Variants in TAF1C observed in about 807,000 individuals in gnomAD.
TAF1C encodes the protein TATA-box binding protein associated factor, RNA polymerase I subunit C.
TAF1C carries 79 observed loss-of-function variants against 70.5 expected under a neutral mutation model. The ratio of observed to expected loss-of-function variants is 1.12; its 90% CI spans 0.93 to 1.35. TAF1C has a LOEUF of 1.35. Among genes scored for constraint, TAF1C ranks in the 40% most tolerant of loss-of-function variants. TAF1C has a pLI of 0.00. For missense variants in TAF1C, 1,412 were observed against 1,127.8 expected (o/e 1.25, Z -3.61); for synonymous variants, 614 against 491.1 (o/e 1.25, Z -3.31).
rs369858752 is a variant in TAF1C at position 84,181,321 on chromosome 16, C to A, written c.1164+7G>T. The A allele has an allele frequency of 4.2e-5, 68 of 1,612,752 alleles. No homozygotes were observed. Among genetic ancestry groups the A allele is most frequent in the Non-Finnish European group, 3.4e-5 (40 of 1,179,428 alleles). On this transcript the variant is annotated splice_region_variant and intron_variant, in intron 11 of 14. Transcript: ENST00000566732. ...GTCGGGGTGGGTCCTCTGCCGCCAG[C>A]CCGTACCTGAGTGTCCAGCATCTTC...
chr16:84,186,548 A>G (rs1289220779), intron 1 of TAF1C, among the ~76,000 whole-genome samples: 1 of 152,184 alleles, frequency 6.6e-6, no homozygotes, highest in Admixed American at 6.5e-5. Context: ...GCAAGGTTCT[A>G]TCTCAAAAAT....
In TAF1C at chr16:84,183,507, T is replaced by G. The variant is rs2089319811; in HGVS notation, c.221A>C (p.Asp74Ala). ...GPLPMLPPLIDPWDPGLTARD... is the reference protein window; with the variant it reads ...GPLPMLPPLIAPWDPGLTARD... ...GGCAGTCAGGCCAGGGTCCCAGGGA[T>G]CTGAGAAGGAGGTTACGGAAAGGGC... The change falls in exon 4 of 15, where the codon GAT (aspartate) becomes GCT (alanine). Residue 74 changes from aspartate to alanine, a missense_variant and splice_region_variant. By Grantham distance (126) the Asp-to-Ala change is moderately radical. Coordinates refer to ENST00000566732, the MANE Select transcript of TAF1C (RefSeq NM_001243156.2). 1 of 1,608,692 alleles carries G rather than the reference T, an allele frequency of 6.2e-7. No individual in the cohort carries two copies. The highest frequency in any genetic ancestry group is 1.3e-5 in the African/African-American group (1 of 74,812).
At chr16:84,184,814 C>T (rs1193039900) in intron 2 of TAF1C, 37 bp downstream of exon 2, 1 of 1,567,036 alleles carries the variant, frequency 6.4e-7, no homozygotes, top group African/African-American at 1.4e-5. Flanking sequence ...GAAGGGATGT[C>T]CCTGGAGCTG....
intron 2 of TAF1C, among the ~76,000 whole-genome samples, chr16:84,184,020 C>T (rs1168786964): frequency 6.6e-6 from 1 of 152,220 alleles, no homozygotes. Flanking sequence ...CCCCAGAGCT[C>T]CTGTTTCCGA....
Position 84,179,034 on chromosome 16 carries a change from C to T in TAF1C, c.2439G>A (p.Gln813=). 1 of 1,610,920 alleles carries T rather than the reference C, an allele frequency of 6.2e-7. No homozygotes were observed. The highest frequency in any genetic ancestry group is 8.5e-7 in the Non-Finnish European group (1 of 1,179,928). The change falls in exon 15 of 15, where the codon CAG becomes CAA. Residue 813 remains glutamine (Q), a synonymous_variant. Transcript: ENST00000566732. ...PGCATTPPHS[Q]ASSVRATRSQ... Reference sequence around the variant, plus strand: ...AGCGAGTGGCCCGGACGCTGGAGGCCTGGGAGTGGGGAGGTGTGGTGGCAC... The same window carrying T: ...AGCGAGTGGCCCGGACGCTGGAGGCTTGGGAGTGGGGAGGTGTGGTGGCAC...
Position 84,180,717 on chromosome 16 carries a change from C to G in TAF1C, c.1308+326G>C. The G allele has an allele frequency of 2.8e-6, 3 of 1,064,474 alleles. No homozygotes were observed. The South Asian group carries it at 6.7e-5, about 24-fold the overall frequency. 65.9% of individuals were successfully genotyped at this position (1,064,474 alleles called of 1,614,324 possible). ...CCGGGAGGGCGGGTGGAGGACAGAC[C>G]TGCTTCCTCAGAGCCCCCGCCTCCT... On this transcript the variant is annotated intron_variant, in intron 12 of 14. Coordinates refer to ENST00000566732, the MANE Select transcript of TAF1C (RefSeq NM_001243156.2).
Position 84,178,964 on chromosome 16 carries a change from TC to T in TAF1C, c.2508del (p.Lys837ArgfsTer34). 2 of 1,610,010 alleles carry T rather than the reference TC, an allele frequency of 1.2e-6. No homozygotes were observed. Among genetic ancestry groups the T allele is most frequent in the Non-Finnish European group, 1.7e-6 (2 of 1,179,246 alleles). On this transcript the variant is annotated frameshift_variant, in exon 15 of 15. Transcript: ENST00000566732. LOFTEE classifies it high-confidence loss of function. Reference sequence around the variant, plus strand: ...CCTCAGAAGCCCATTCGAGGCTTCTTCCGGAGGGGCTGAGAGCTAGAGAGGA... The same window carrying T: ...CCTCAGAAGCCCATTCGAGGCTTCTTCGGAGGGGCTGAGAGCTAGAGAGGA... Reference protein sequence around the residue: ...TPVLSSSQPLRKKPRMGF With the variant: ...TPVLSSSQPLXKKPRMGF
chr16:84,186,603 A>C (rs1428083570), intron 1 of TAF1C, among the ~76,000 whole-genome samples: 1 of 152,234 alleles, frequency 6.6e-6, no homozygotes, highest in East Asian at 1.9e-4. Flanking sequence ...CATAGCCTGA[A>C]ACGATCCTAG....
In TAF1C at chr16:84,181,836, T is replaced by C. The variant is rs754621546; in HGVS notation, c.866A>G (p.His289Arg). 3 of 1,613,848 alleles carry C rather than the reference T, an allele frequency of 1.9e-6. No individual in the cohort carries two copies. The highest frequency in any genetic ancestry group is 2.2e-5 in the South Asian group (2 of 91,064). Reference protein sequence around the residue: ...ETLLAVRSDYHCAVWKFGKQW... With the variant: ...ETLLAVRSDYRCAVWKFGKQW... ...TTTACCAAACTTCCACACGGCACAG[T>C]GGTAGTCAGAGCGGACGGCCAGCAG... Residue 289 changes from histidine (H) to arginine (R), a missense_variant, in exon 9 of 15, where the codon CAC becomes CGC. His to Arg is a conservative substitution (Grantham distance 29). Coordinates refer to ENST00000566732, the MANE Select transcript of TAF1C (RefSeq NM_001243156.2).
rs750896510 is a variant in TAF1C, at chr16:84,181,025, G to C, written c.1308+18C>G. 5 of 1,592,458 alleles carry C rather than the reference G, an allele frequency of 3.1e-6. No homozygotes were observed. The highest frequency in any genetic ancestry group is 3.4e-6 in the Non-Finnish European group (4 of 1,163,034). On this transcript the variant is annotated intron_variant, in intron 12 of 14. Coordinates refer to ENST00000566732, the MANE Select transcript of TAF1C (RefSeq NM_001243156.2). ...GACAGAGCAGAGGTGGGGCGGGGCG[G>C]TGTTGTGTGCCACTCACCTGGGTAC... is the stretch of plus-strand genomic sequence containing the variant.
At position 84,182,876 on chromosome 16, in the gene TAF1C, G is replaced by A. The variant is rs1239927863; in HGVS notation, c.482+200C>T. Among the ~76,000 whole-genome samples the A allele has an allele frequency of 1.3e-5, 2 of 152,210 alleles. No individual in the cohort carries two copies. Among genetic ancestry groups the A allele is most frequent in the African/African-American group, 4.8e-5 (2 of 41,442 alleles). ...TATTTGAACACCTGGATGCAGCTGT[G>A]CCTGAACTCCACAAATGTAAATCTG... On this transcript the variant is annotated intron_variant, in intron 6 of 14. Coordinates refer to ENST00000566732, the MANE Select transcript of TAF1C (RefSeq NM_001243156.2). This position sits in a 1 kb window ranked among gnomAD's most constrained non-coding sequence, Gnocchi z 5.0.
intron 2 of TAF1C, among the ~76,000 whole-genome samples, chr16:84,184,417 G>C (rs1368176128): frequency 6.6e-6 from 1 of 152,150 alleles, no homozygotes; most frequent in Non-Finnish European, 1.5e-5. Context: ...CCAAGCAAAG[G>C]GCCAGTGTCC....
In TAF1C at chr16:84,183,521, T is replaced by C. The variant is rs1367936298; in HGVS notation, c.221-14A>G. On this transcript the variant is annotated splice_polypyrimidine_tract_variant and intron_variant, in intron 3 of 14. Coordinates refer to ENST00000566732, the MANE Select transcript of TAF1C (RefSeq NM_001243156.2). ...GGTCCCAGGGATCTGAGAAGGAGGT[T>C]ACGGAAAGGGCTGGGGAGGGCACAG... The C allele has an allele frequency of 2.5e-6, 4 of 1,603,624 alleles. No individual in the cohort carries two copies. The highest frequency in any genetic ancestry group is 3.4e-5 in the Admixed American group (2 of 58,664).
chr16:84,179,944 A>T lies in TAF1C; in HGVS notation c.1621+2T>A. ...CCAAGCTCACTCCCCCACCCAGCAC[A>T]CCTATGGTCGGTGCTTTCAGGCGCT... On this transcript the variant is annotated splice_donor_variant, in intron 14 of 14. Transcript: ENST00000566732. LOFTEE classifies it high-confidence loss of function. 6.2e-7 allele frequency: 1 copy of T among 1,611,932 alleles called. No homozygotes were observed. Among genetic ancestry groups the T allele is most frequent in the Non-Finnish European group, 8.5e-7 (1 of 1,179,724 alleles).
rs969301727 is a variant in TAF1C at position 84,179,452 on chromosome 16, A to G, written c.2021T>C (p.Leu674Pro). 21 of 1,597,142 alleles carry G rather than the reference A, an allele frequency of 1.3e-5. No homozygotes were observed. The Middle Eastern group carries it at 9.9e-4, about 75-fold the overall frequency. Residue 674 changes from leucine (L) to proline (P), a missense_variant, in exon 15 of 15, where the codon CTC becomes CCC. Transcript: ENST00000566732. ...QLLLQRDLGS[L>P]PAAEPPPAPE... ...TGCAGGGGGTGGCTCTGCCGCAGGGAGGGAGCCCAGGTCTCTCTGCAGCAG... is the reference window on the plus strand; with the variant it reads ...TGCAGGGGGTGGCTCTGCCGCAGGGGGGGAGCCCAGGTCTCTCTGCAGCAG...
Position 84,181,659 on chromosome 16 carries a change from G to A in TAF1C, c.961C>T (p.His321Tyr). 4 of 1,613,944 alleles carry A rather than the reference G, an allele frequency of 2.5e-6. No homozygotes were observed. Among genetic ancestry groups the A allele is most frequent in the Non-Finnish European group, 3.4e-6 (4 of 1,180,000 alleles). Residue 321 changes from histidine to tyrosine, a missense_variant, in exon 10 of 15, where the codon CAC becomes TAC. Coordinates refer to ENST00000566732, the MANE Select transcript of TAF1C (RefSeq NM_001243156.2). ...CAGATGGCCAGCTCCCCGGGCAGGTGAGGGCTACAGGGCAGGAATGCATTC... is the reference window on the plus strand; with the variant it reads ...CAGATGGCCAGCTCCCCGGGCAGGTAAGGGCTACAGGGCAGGAATGCATTC... ...KGATGISLSPHLPGELAICSR... is the reference protein window; with the variant it reads ...KGATGISLSPYLPGELAICSR...
chr16:84,180,859 C>G, intron 12 of TAF1C, 184 bp downstream of exon 12: 2 of 1,411,050 alleles, frequency 1.4e-6, no homozygotes, highest in Non-Finnish European at 1.8e-6. Flanking sequence ...GGAGAGCTTC[C>G]CCACCTGCCT....
rs1269924302 is a variant in TAF1C at position 84,184,971 on chromosome 16, G to T, written c.18C>A (p.Ser6=). 3 of 1,613,630 alleles carry T rather than the reference G, an allele frequency of 1.9e-6. No individual in the cohort carries two copies. The highest frequency in any genetic ancestry group is 2.5e-6 in the Non-Finnish European group (3 of 1,179,776). ...CGGTCAGAAACAATGCAGGGCGGAG[G>T]GAGCTGGGGAAGTCCATCCTGGAAA... is the stretch of plus-strand genomic sequence containing the variant. MDFPS[S]LRPALFLTGP... The change falls in exon 2 of 15, where the codon TCC becomes TCA. Residue 6 remains serine (S), a synonymous_variant. Transcript: ENST00000566732.
In TAF1C at chr16:84,181,309, C is replaced by T. The variant is rs774771386; in HGVS notation, c.1164+19G>A. On this transcript the variant is annotated intron_variant, in intron 11 of 14. Transcript: ENST00000566732. ...GCCGCTCCCGCAGTCGGGGTGGGTC[C>T]TCTGCCGCCAGCCCGTACCTGAGTG... is the stretch of plus-strand genomic sequence containing the variant. The T allele has an allele frequency of 1.2e-6, 2 of 1,611,742 alleles. No individual in the cohort carries two copies. The highest frequency in any genetic ancestry group is 1.7e-6 in the Non-Finnish European group (2 of 1,178,588).
Sources: gnomAD v4.1 joint callset for allele counts (sites outside exome capture counted in the v4.1 genomes callset) on GRCh38, gnomAD v4.1.1 for gene constraint, Gnocchi (gnomAD v3.1) non-coding constraint, MANE v1.5 for transcripts, NCBI Gene and HGNC (gene_info 2026-07-23, HGNC 2026-07-21) for gene names.